ANK1: variants seen among roughly 807,000 people sequenced by gnomAD.
ANK1 encodes ankyrin-1.
ANK1 carries 51 observed loss-of-function variants against 210.4 expected under a neutral mutation model. The observed-to-expected ratio is 0.24, with a 90% CI of 0.19 to 0.31. The LOEUF (loss-of-function observed/expected upper bound fraction) is 0.31. ANK1 is among the 10% of genes least tolerant of loss of function. ANK1 has a pLI of 1.00. For synonymous variants in ANK1, 967 were observed against 1,025.9 expected, an observed-to-expected ratio of 0.94 and a Z score of 1.10; for missense variants, 2,051 against 2,504.4, an observed-to-expected ratio of 0.82 and a Z score of 3.86.
intron 12 of ANK1, 132 bp downstream of exon 12, chr8:41,717,472 C>T: frequency 1.1e-6 from 1 of 873,244 alleles, no homozygotes. Flanking sequence ...GATGTCCTCC[C>T]CCAGTCTGAA....
chr8:41,756,357 G>T (rs1374786505), intron 2 of ANK1, among the ~76,000 whole-genome samples: 2 of 151,376 alleles, frequency 1.3e-5, no homozygotes, highest in Admixed American at 1.3e-4. Context: ...TATTGGCCAG[G>T]CTAGTCTCGA....
At chr8:41,723,514 A>G (rs1763821898) in intron 8 of ANK1, 21 bp downstream of exon 8, 2 of 1,613,390 alleles carry the variant, frequency 1.2e-6, no homozygotes, top group Non-Finnish European at 1.7e-6. Context: ...CTGCCTGGCT[A>G]CAGCACCTGC....
At chr8:41,749,455 GC>G (rs1445892259) in intron 2 of ANK1, among the ~76,000 whole-genome samples, 1 of 151,798 alleles carries the variant, frequency 6.6e-6, no homozygotes, top group Non-Finnish European at 1.5e-5. Context: ...CCACCACCAT[GC>G]CCGACTAATT....
chr8:41,673,028 A>G (rs1391311701), intron 37 of ANK1, 116 bp from the exon 38 acceptor site: 2 of 1,135,502 alleles, frequency 1.8e-6, no homozygotes, highest in Non-Finnish European at 2.5e-6. Context: ...ACAGAGATGC[A>G]TGCACATTCG....
intron 1 of ANK1, among the ~76,000 whole-genome samples, chr8:41,881,120 A>G (rs1817503917): frequency 6.6e-6 from 1 of 152,210 alleles, no homozygotes; most frequent in Non-Finnish European, 1.5e-5. Flanking sequence ...CTTTCTCCAG[A>G]TGGCAGTTTC....
intron 1 of ANK1, among the ~76,000 whole-genome samples, chr8:41,862,361 G>A (rs540354388): frequency 1.3e-5 from 2 of 152,252 alleles, no homozygotes; most frequent in East Asian, 1.9e-4. Flanking sequence ...CAGGTGCATT[G>A]GAAGGCAGGG....
intron 29 of ANK1, 89 bp from the exon 30 acceptor site, chr8:41,693,290 T>C: frequency 8.5e-7 from 1 of 1,174,422 alleles, no homozygotes; most frequent in Non-Finnish European, 1.3e-6. Flanking sequence ...GTGTGCAAGG[T>C]GAGACTGGGT....
intron 1 of ANK1, among the ~76,000 whole-genome samples, chr8:41,785,731 T>C (rs1293438131): frequency 6.6e-6 from 1 of 152,210 alleles, no homozygotes; most frequent in Non-Finnish European, 1.5e-5. Context: ...AGTTGCCGAA[T>C]TGATCTTGCG....
chr8:41,703,383 C>CAT (rs143272729), intron 20 of ANK1, among the ~76,000 whole-genome samples: 33 of 93,216 alleles, frequency 3.5e-4, no homozygotes, highest in African/African-American at 6.2e-4. Flanking sequence ...TGTGTGTGTG[C>CAT]ATATATATAT....
intron 1 of ANK1, among the ~76,000 whole-genome samples, chr8:41,833,432 A>G (rs533999891): frequency 6.6e-6 from 1 of 152,352 alleles, no homozygotes; most frequent in South Asian, 2.1e-4. Flanking sequence ...TAACAAAGGA[A>G]AAATCTGTCC....
At chr8:41,827,313 C>A (rs1229377716) in intron 1 of ANK1, among the ~76,000 whole-genome samples, 1 of 152,214 alleles carries the variant, frequency 6.6e-6, no homozygotes, top group East Asian at 1.9e-4. Context: ...CCAGCCTTTC[C>A]CCTTGCTGGT....
intron 1 of ANK1, among the ~76,000 whole-genome samples, chr8:41,864,539 A>C (rs1174101303): frequency 6.6e-6 from 1 of 152,150 alleles, no homozygotes; most frequent in East Asian, 1.9e-4. Context: ...CTCAACTGAT[A>C]GCGCAGAATT....
chr8:41,755,192 G>A (rs966894106), intron 2 of ANK1, among the ~76,000 whole-genome samples: 7 of 152,330 alleles, frequency 4.6e-5, no homozygotes, highest in East Asian at 3.9e-4. Flanking sequence ...ATAATACCTC[G>A]GTGCTTGCTG....
chr8:41,873,909 C>G (rs1049359778), intron 1 of ANK1, among the ~76,000 whole-genome samples: 2 of 152,188 alleles, frequency 1.3e-5, no homozygotes, highest in Non-Finnish European at 1.5e-5. Context: ...ACAAGTTACT[C>G]CAGGAGCCAA....
rs1055980566 is a variant in ANK1 at position 41,881,872 on chromosome 8, C to T, written c.126+14483G>A. ...AGTGGGCTTGAGTGGGGAGCATAGC[C>T]AACACAGATGGTCCTTGCCTTCCCT... On this transcript the variant is annotated intron_variant, in intron 1 of 42. Coordinates refer to the ANK1 transcript ENST00000265709. 3.3e-5 allele frequency among the ~76,000 whole-genome samples: 5 copies of T among 152,142 alleles called. 1 individual carries two copies. The highest frequency in any genetic ancestry group is 1.2e-4 in the African/African-American group (5 of 41,442).
chr8:41,881,558 T>C (rs1419807264), intron 1 of ANK1, among the ~76,000 whole-genome samples: 1 of 152,220 alleles, frequency 6.6e-6, no homozygotes, highest in African/African-American at 2.4e-5. Flanking sequence ...GTATATAACA[T>C]TCCCATCAAG....
chr8:41,815,615 T>A (rs999501672), intron 1 of ANK1, among the ~76,000 whole-genome samples: 1 of 152,184 alleles, frequency 6.6e-6, no homozygotes, highest in African/African-American at 2.4e-5. Context: ...TCATACCTTA[T>A]AACAACTTAC....
chr8:41,779,442 G>T (rs1041829455), intron 1 of ANK1, among the ~76,000 whole-genome samples: 2 of 151,764 alleles, frequency 1.3e-5, no homozygotes, highest in Non-Finnish European at 2.9e-5. Context: ...TTATTGAAAT[G>T]AGGATCTCAC....
intron 1 of ANK1, among the ~76,000 whole-genome samples, chr8:41,804,089 G>T (rs2150779082): frequency 6.6e-6 from 1 of 152,314 alleles, no homozygotes; most frequent in South Asian, 2.1e-4. Context: ...AGCTCATCTG[G>T]GTGGTACTGG....
Sources: gnomAD v4.1 joint callset for allele counts (sites outside exome capture counted in the v4.1 genomes callset) on GRCh38, gnomAD v4.1.1 for gene constraint, MANE v1.5 for transcripts, NCBI Gene and HGNC (gene_info 2026-07-23, HGNC 2026-07-21) for gene names.